Variants in RIMS2 observed in about 807,000 individuals in gnomAD.
The protein encoded by RIMS2 is regulating synaptic membrane exocytosis protein 2.
Under a neutral mutation model 174.4 loss-of-function variants are expected in RIMS2, and 59 were observed. The ratio of observed to expected loss-of-function variants is 0.34; its 90% confidence interval spans 0.27 to 0.42. The LOEUF (loss-of-function observed/expected upper bound fraction) is 0.42, where lower values mean the gene tolerates loss of function less well. Among genes scored for constraint, RIMS2 ranks in the 10% least tolerant of loss-of-function variants. The probability of loss-of-function intolerance (pLI) is 1.00; values close to 1 mark genes in which losing one functional copy is unlikely to be tolerated. For missense variants in RIMS2, 1,620 were observed against 1,666.3 expected (o/e 0.97, Z 0.48); for synonymous variants, 606 against 572.5 (o/e 1.06, Z -0.84).
chr8:103,828,406 G>A (rs1221278746), intron 3 of RIMS2, among the ~76,000 whole-genome samples: 1 of 152,060 alleles, frequency 6.6e-6, no homozygotes, highest in Non-Finnish European at 1.5e-5. Flanking sequence ...CTGCTTATGT[G>A]CTTTGCCTAT....
At chr8:104,177,813 C>T (rs1023196261) in intron 19 of RIMS2, among the ~76,000 whole-genome samples, 4 of 152,078 alleles carry the variant, frequency 2.6e-5, no homozygotes, top group East Asian at 1.9e-4. Context: ...ATGCTGGCCT[C>T]GGTGTCTATC....
At chr8:104,242,069 A>G (rs141214485) in intron 19 of RIMS2, among the ~76,000 whole-genome samples, 3 of 152,132 alleles carry the variant, frequency 2.0e-5, no homozygotes, top group East Asian at 3.9e-4. Flanking sequence ...CTACTTTTTG[A>G]TATAGTTATT....
At chr8:103,885,514 A>G in exon 4 of RIMS2, 1 of 1,612,566 alleles carries the variant, frequency 6.2e-7, no homozygotes, top group East Asian at 2.2e-5. Flanking sequence ...GGCATTCCAA[A>G]GAATATATTG....
At chr8:103,542,059 A>C (rs1272066936) in intron 1 of RIMS2, among the ~76,000 whole-genome samples, 1 of 152,138 alleles carries the variant, frequency 6.6e-6, no homozygotes, top group Non-Finnish European at 1.5e-5. Flanking sequence ...ACCAAGAGCA[A>C]GGTTAGAGGG....
At chr8:103,709,688 C>T (rs1215292489) in intron 2 of RIMS2, among the ~76,000 whole-genome samples, 2 of 151,634 alleles carry the variant, frequency 1.3e-5, no homozygotes, top group African/African-American at 4.8e-5. Context: ...TTTCTTTAAC[C>T]CCATTCCCTT....
At chr8:104,142,220 C>G (rs1331991058) in intron 19 of RIMS2, among the ~76,000 whole-genome samples, 1 of 151,048 alleles carries the variant, frequency 6.6e-6, no homozygotes, top group East Asian at 1.9e-4. Context: ...CTCCGCCTCC[C>G]GGGTTCAAGC....
chr8:103,595,688 G>T (rs936293303), intron 1 of RIMS2, among the ~76,000 whole-genome samples: 2 of 151,814 alleles, frequency 1.3e-5, no homozygotes, highest in Admixed American at 6.6e-5. Context: ...TTAGCAGTTG[G>T]GTCAGTCAGT....
chr8:103,930,215 G>C (rs565915015), intron 11 of RIMS2, among the ~76,000 whole-genome samples: 12 of 151,380 alleles, frequency 7.9e-5, no homozygotes, highest in Non-Finnish European at 1.6e-4. Flanking sequence ...ATACTTTTTT[G>C]GGCTGTCAGT....
chr8:103,679,468 A>C (rs1488619346), intron 1 of RIMS2, among the ~76,000 whole-genome samples: 1 of 152,134 alleles, frequency 6.6e-6, no homozygotes, highest in East Asian at 1.9e-4. Context: ...GATTACTTTA[A>C]AAAGGAGTAA....
At chr8:103,731,365 G>A (rs927358924) in intron 2 of RIMS2, among the ~76,000 whole-genome samples, 7 of 152,114 alleles carry the variant, frequency 4.6e-5, no homozygotes, top group African/African-American at 1.7e-4. Flanking sequence ...GTTTGTTTCT[G>A]TAGCTGCTTT....
At chr8:104,188,061 T>A (rs1418931066) in intron 19 of RIMS2, among the ~76,000 whole-genome samples, 2 of 151,714 alleles carry the variant, frequency 1.3e-5, no homozygotes, top group African/African-American at 4.8e-5. Context: ...TCACATATAA[T>A]AGTATTTATA....
intron 19 of RIMS2, among the ~76,000 whole-genome samples, chr8:104,119,943 A>G (rs141438193): frequency 3.3e-5 from 5 of 152,354 alleles, no homozygotes; most frequent in Non-Finnish European, 7.4e-5. Flanking sequence ...AAGCTACTGT[A>G]TTTTTAGACA....
chr8:103,954,781 G>GAAAAAACATTC (rs1555034814), intron 14 of RIMS2, among the ~76,000 whole-genome samples: 1 of 151,756 alleles, frequency 6.6e-6, no homozygotes, highest in African/African-American at 2.4e-5. Context: ...ACAGAGACAC[G>GAAAAAACATTC]AAAAAACATT....
chr8:104,171,888 T>G (rs1486264883), intron 19 of RIMS2, among the ~76,000 whole-genome samples: 1 of 152,162 alleles, frequency 6.6e-6, no homozygotes, highest in Non-Finnish European at 1.5e-5. Context: ...AATTTGATTC[T>G]CGGATATTTT....
At chr8:103,998,226 T>C (rs780647189) in intron 17 of RIMS2, 2 of 1,610,062 alleles carry the variant, frequency 1.2e-6, no homozygotes, top group Non-Finnish European at 1.7e-6. Flanking sequence ...AGTCAGACCA[T>C]TGACCATCAT....
chr8:104,195,601 G>A (rs1445146941), intron 19 of RIMS2, among the ~76,000 whole-genome samples: 8 of 146,512 alleles, frequency 5.5e-5, no homozygotes, highest in African/African-American at 7.6e-5. Context: ...TGCAACCTCC[G>A]CCTCCTGGGT....
intron 3 of RIMS2, among the ~76,000 whole-genome samples, chr8:103,846,565 A>G (rs2098968907): frequency 6.6e-6 from 1 of 152,124 alleles, no homozygotes; most frequent in Admixed American, 6.6e-5. Context: ...CAGGGATACT[A>G]TGTGCAATTA....
chr8:104,150,726 A>G (rs1158896095), intron 19 of RIMS2, among the ~76,000 whole-genome samples: 5 of 152,216 alleles, frequency 3.3e-5, no homozygotes, highest in Non-Finnish European at 7.3e-5. Context: ...TGAGGCTAGT[A>G]GATAAATAGA....
chr8:103,931,417 T>C, intron 12 of RIMS2, 24 bp downstream of exon 14: 3 of 1,506,548 alleles, frequency 2.0e-6, no homozygotes, highest in Non-Finnish European at 2.7e-6. Flanking sequence ...ACAAAATAAA[T>C]GTTCTGGAAA....
Sources: allele counts gnomAD v4.1 joint callset (sites outside exome capture counted in the v4.1 genomes callset), GRCh38; gene constraint gnomAD v4.1.1; transcripts MANE v1.5; gene names NCBI Gene and HGNC (gene_info 2026-07-23, HGNC 2026-07-21).